COG2: variants seen among roughly 807,000 people sequenced by gnomAD.
COG2 encodes the protein component of oligomeric golgi complex 2, also known as conserved oligomeric Golgi complex subunit 2.
In COG2, 52 loss-of-function variants were observed where a neutral mutation model predicts 90.6. The ratio of observed to expected loss-of-function variants is 0.57; its 90% CI spans 0.46 to 0.72. The LOEUF is 0.72. COG2 is among the 30% of genes least tolerant of loss of function. The pLI, the probability that COG2 is intolerant of heterozygous loss-of-function variation, is 0.00. For missense variants in COG2, 829 were observed against 891.2 expected (o/e 0.93, Z 0.89); for synonymous variants, 337 against 320.4 (o/e 1.05, Z -0.55).
chr1:230,688,398 A>G lies in COG2; in HGVS notation c.1652-22A>G, dbSNP rs939189085. Reference sequence around the variant, plus strand: ...GTCTGGGCCTGAGCATGATGATTAAATCCAGTCTTTAATCTCAACAGCAGC... The same window carrying G: ...GTCTGGGCCTGAGCATGATGATTAAGTCCAGTCTTTAATCTCAACAGCAGC... On this transcript the variant is annotated intron_variant, in intron 14 of 17. Transcript: ENST00000366669. 20 of 1,613,038 alleles carry G rather than the reference A, an allele frequency of 1.2e-5. No individual in the cohort carries two copies. The East Asian group carries it at 3.8e-4, about 31-fold the overall frequency.
At chr1:230,663,093 A>G (rs755448726) in intron 3 of COG2, 48 bp from the exon 4 acceptor site, 6 of 1,469,356 alleles carry the variant, frequency 4.1e-6, no homozygotes, top group Non-Finnish European at 5.6e-6. Flanking sequence ...AAATTTCATA[A>G]TGTTACAAAA....
chr1:230,659,417 T>G (rs1571947067), intron 1 of COG2, 47 bp from the exon 2 acceptor site: 1 of 1,436,182 alleles, frequency 7.0e-7, no homozygotes, highest in East Asian at 2.3e-5. Flanking sequence ...TATATGTCAC[T>G]GTGATATCAT....
chr1:230,658,805 C>T (rs1392804314), intron 1 of COG2, among the ~76,000 whole-genome samples: 1 of 152,146 alleles, frequency 6.6e-6, no homozygotes, highest in Non-Finnish European at 1.5e-5. Flanking sequence ...AGCTGCAGTG[C>T]ACTCCGCAAG....
At chr1:230,650,961 T>C (rs1661901468) in intron 1 of COG2, among the ~76,000 whole-genome samples, 1 of 152,228 alleles carries the variant, frequency 6.6e-6, no homozygotes, top group African/African-American at 2.4e-5. Flanking sequence ...TTTATTCTTA[T>C]CTGTTGGCCC....
chr1:230,671,744 G>A, intron 8 of COG2, 104 bp downstream of exon 8: 1 of 1,023,672 alleles, frequency 9.8e-7, no homozygotes, highest in Non-Finnish European at 1.4e-6. Context: ...GAACTGTCTT[G>A]TATGAATCCA....
In COG2 at chr1:230,642,498, C is replaced by T. The variant is rs534514695; in HGVS notation, c.-109C>T. 1.4e-5 allele frequency: 8 copies of T among 585,206 alleles called. No homozygotes were observed. The highest frequency in any genetic ancestry group is 9.9e-5 in the Admixed American group (2 of 20,180). The allele number at this position is 585,206 out of a possible 1,614,324, so 36.3% of individuals were successfully genotyped here. On this transcript the variant is annotated 5_prime_UTR_variant, in exon 1 of 18. Transcript: ENST00000366669. ...GCGCTGCCATGTTGGCGGAAGCGGA[C>T]CCCCCTGTGCCGTGGAAACTGGCGG...
At chr1:230,669,247 T>C (rs111628098) in intron 6 of COG2, 109 bp from the exon 7 acceptor site, 1 of 959,374 alleles carries the variant, frequency 1.0e-6, no homozygotes, top group African/African-American at 1.6e-5. Context: ...ATTTTGATTT[T>C]ATATATGTCA....
At chr1:230,653,265 G>C (rs1312429919) in intron 1 of COG2, among the ~76,000 whole-genome samples, 2 of 148,218 alleles carry the variant, frequency 1.3e-5, no homozygotes, top group Non-Finnish European at 3.0e-5. Flanking sequence ...CTGTTGCCCA[G>C]GGAGGAGTGC....
intron 1 of COG2, 97 bp downstream of exon 1, chr1:230,642,775 C>T (rs949672743): frequency 5.1e-5 from 62 of 1,205,204 alleles, no homozygotes; most frequent in Non-Finnish European, 6.6e-5. Context: ...CCTGCCTGCG[C>T]ACGCTCAGTG....
In COG2 at chr1:230,692,908, T is replaced by G. The variant is rs573439078; in HGVS notation, c.2116-384T>G. The stretch of plus-strand genomic sequence containing the variant: ...TTCAACTCATCTGATTCTAAAAGGT[T>G]TTTGGCAATATGTTAAGAAACTAAG... On this transcript the variant is annotated intron_variant, in intron 17 of 17. Coordinates refer to ENST00000366669, the MANE Select transcript of COG2 (RefSeq NM_007357.3). Among the ~76,000 whole-genome samples the G allele has an allele frequency of 4.6e-5, 7 of 152,250 alleles. No individual in the cohort carries two copies. The East Asian group carries it at 1.3e-3, about 29-fold the overall frequency.
intron 16 of COG2, 47 bp from the exon 17 acceptor site, chr1:230,691,337 T>TACA: frequency 1.3e-6 from 2 of 1,517,030 alleles, no homozygotes; most frequent in Non-Finnish European, 1.8e-6. Flanking sequence ...TATTTGGTGT[T>TACA]ACACACAAAT....
intron 16 of COG2, 24 bp downstream of exon 16, chr1:230,690,177 T>C: frequency 6.2e-7 from 1 of 1,607,548 alleles, no homozygotes; most frequent in Non-Finnish European, 8.5e-7. Flanking sequence ...AAGCAGACCT[T>C]GTGGGCCTTG....
intron 1 of COG2, among the ~76,000 whole-genome samples, chr1:230,652,656 G>A (rs1558267975): frequency 6.6e-6 from 1 of 152,174 alleles, no homozygotes; most frequent in Non-Finnish European, 1.5e-5. Context: ...TTCTTACCAG[G>A]AATGAATGAG....
At chr1:230,677,197 A>G (rs528533129) in intron 9 of COG2, among the ~76,000 whole-genome samples, 2 of 152,290 alleles carry the variant, frequency 1.3e-5, no homozygotes, top group Admixed American at 1.3e-4. Flanking sequence ...CTTCTAGGTC[A>G]CTAATTCCTT....
rs955064520 is a variant in COG2, at chr1:230,688,478, G to A, written c.1710G>A (p.Lys570=). 6.2e-7 allele frequency: 1 copy of A among 1,614,122 alleles called. No individual in the cohort carries two copies. The highest frequency in any genetic ancestry group is 1.3e-5 in the African/African-American group (1 of 75,034). ...FSACVPSLSS[K]IIQDLSDSCF... is the part of the protein sequence containing the mutation. ...CCTGTGTGCCCTCCTTGAGTAGCAA[G>A]ATCATCCAGGATTTAAGTGACTCTT... is the stretch of plus-strand genomic sequence containing the variant. The change falls in exon 15 of 18, where the codon AAG becomes AAA. Residue 570 remains lysine, a synonymous_variant. Coordinates refer to ENST00000366669, the MANE Select transcript of COG2 (RefSeq NM_007357.3).
rs1044603286 is a variant in COG2, at chr1:230,683,528, C to T, written c.1167-46C>T. ...ACAGAGAATGGATAGGGAAAGGCATCTGTCAGAGTCATAAACATTAATTCT... is the reference window on the plus strand; with the variant it reads ...ACAGAGAATGGATAGGGAAAGGCATTTGTCAGAGTCATAAACATTAATTCT... On this transcript the variant is annotated intron_variant, in intron 10 of 17. Coordinates refer to ENST00000366669, the MANE Select transcript of COG2 (RefSeq NM_007357.3). 2.1e-6 allele frequency: 3 copies of T among 1,401,970 alleles called. No individual in the cohort carries two copies. In the Admixed American group the frequency reaches 5.1e-5, roughly 24 times the overall value. 86.8% of individuals were successfully genotyped at this position (1,401,970 alleles called of 1,614,324 possible).
chr1:230,689,642 C>G (rs1662971771), intron 15 of COG2, among the ~76,000 whole-genome samples: 1 of 152,204 alleles, frequency 6.6e-6, no homozygotes, highest in Non-Finnish European at 1.5e-5. Flanking sequence ...AGAACTCAAC[C>G]CTTCCACCCA....
intron 1 of COG2, among the ~76,000 whole-genome samples, chr1:230,645,139 G>A (rs1327645592): frequency 1.3e-5 from 2 of 151,542 alleles, no homozygotes; most frequent in Admixed American, 1.3e-4. Flanking sequence ...GGAGGCTGAG[G>A]TGGGAGGATT....
chr1:230,664,690 T>G, intron 5 of COG2, 103 bp downstream of exon 5: 1 of 566,082 alleles, frequency 1.8e-6, no homozygotes, highest in Non-Finnish European at 3.0e-6. Context: ...AATCCCAGTC[T>G]ATGGCTTAGT....
Sources: allele counts gnomAD v4.1 joint callset (sites outside exome capture counted in the v4.1 genomes callset), GRCh38; gene constraint gnomAD v4.1.1; transcripts MANE v1.5; gene names NCBI Gene and HGNC (gene_info 2026-07-23, HGNC 2026-07-21).